The following FBXL7 variants were observed in gnomAD, a reference collection of about 807,000 sequenced individuals.
FBXL7 encodes the protein F-box/LRR-repeat protein 7.
FBXL7 carries 12 observed loss-of-function variants against 38.3 expected under a neutral mutation model. The observed-to-expected ratio is 0.31, with a 90% CI of 0.20 to 0.51. The LOEUF is 0.51. Ranked by LOEUF, FBXL7 falls within the 20% of genes least tolerant of loss-of-function variation. FBXL7 has a pLI of 0.98. For synonymous variants in FBXL7, 297 were observed against 300.9 expected, an observed-to-expected ratio of 0.99 and a Z score of 0.13; for missense variants, 567 against 676.4, an observed-to-expected ratio of 0.84 and a Z score of 1.79.
chr5:15,678,757 C>A (rs1010472544), intron 2 of FBXL7, among the ~76,000 whole-genome samples: 1 of 152,148 alleles, frequency 6.6e-6, no homozygotes, highest in Non-Finnish European at 1.5e-5. Flanking sequence ...CTCTCATTCT[C>A]TCTTGTCTGC....
At chr5:15,829,539 CT>C (rs1738399826) in intron 2 of FBXL7, among the ~76,000 whole-genome samples, 4 of 152,238 alleles carry the variant, frequency 2.6e-5, no homozygotes, top group Middle Eastern at 3.4e-3. Flanking sequence ...ATGAAACAGA[CT>C]TTTTTTCCAT....
intron 1 of FBXL7, among the ~76,000 whole-genome samples, chr5:15,505,810 A>T (rs1215270911): frequency 6.6e-6 from 1 of 152,142 alleles, no homozygotes; most frequent in Non-Finnish European, 1.5e-5. Context: ...AATCACTGTG[A>T]TGAACCGAGG....
intron 1 of FBXL7, among the ~76,000 whole-genome samples, chr5:15,534,305 A>C (rs1240843623): frequency 1.3e-5 from 2 of 152,166 alleles, no homozygotes; most frequent in Non-Finnish European, 2.9e-5. Context: ...TCCCTGCCCT[A>C]AAAATCCTCT....
chr5:15,864,759 G>A lies in FBXL7; in HGVS notation c.128-63131G>A, dbSNP rs531156554. Among the ~76,000 whole-genome samples, 128 of 152,166 alleles carry A rather than the reference G, an allele frequency of 8.4e-4. 1 individual carries two copies. The highest frequency in any genetic ancestry group is 1.5e-3 in the Non-Finnish European group (105 of 68,032). On this transcript the variant is annotated intron_variant, in intron 2 of 3. Transcript: ENST00000504595. ...GCCAAGACACATGGTTTACGTTGCAGTAGAATAAGTCAGCAGGTTCAGTAG... is the reference window on the plus strand; with the variant it reads ...GCCAAGACACATGGTTTACGTTGCAATAGAATAAGTCAGCAGGTTCAGTAG...
chr5:15,706,731 G>A (rs1272652524), intron 2 of FBXL7, among the ~76,000 whole-genome samples: 2 of 152,144 alleles, frequency 1.3e-5, no homozygotes, highest in East Asian at 3.9e-4. Context: ...GTTAAAAGTG[G>A]GAACAGAGGA....
chr5:15,517,213 A>G (rs1292349582), intron 1 of FBXL7, among the ~76,000 whole-genome samples: 1 of 151,892 alleles, frequency 6.6e-6, no homozygotes, highest in Non-Finnish European at 1.5e-5. Context: ...TTTTTAGTAG[A>G]GACGGGGTTT....
Position 15,928,096 on chromosome 5 carries a change from G to C in FBXL7, c.334G>C (p.Ala112Pro). The C allele has an allele frequency of 6.2e-7, 1 of 1,610,880 alleles. No individual in the cohort carries two copies. Among genetic ancestry groups the C allele is most frequent in the Non-Finnish European group, 8.5e-7 (1 of 1,179,486 alleles). The change falls in exon 3 of 4, where the codon GCC becomes CCC. Residue 112 changes from alanine to proline, a missense_variant. By Grantham distance (27) the Ala-to-Pro change is conservative. Transcript: ENST00000504595. The surrounding 1 kb of genome is among the most constrained non-coding windows in gnomAD (Gnocchi z 4.0). ...CGCCTCCAGACCCCAGAAGGAGCAG[G>C]CCAGCATAGACCGGCTCCCGGACCA... ...RLASRPQKEQ[A>P]SIDRLPDHSM...
In FBXL7 at chr5:15,938,905, C is replaced by T; in HGVS notation, c.*1719C>T. 7.5e-6 allele frequency: 3 copies of T among 398,730 alleles called. No homozygotes were observed. Among genetic ancestry groups the T allele is most frequent in the Non-Finnish European group, 1.3e-5 (3 of 225,984 alleles). The allele number at this position is 398,730 out of a possible 1,614,324, so 24.7% of individuals were successfully genotyped here. On this transcript the variant is annotated 3_prime_UTR_variant, in exon 4 of 4. Transcript: ENST00000504595. ...CCCAGATTATTCTCTAGCCAAGCCC[C>T]ACCTTTGTTACGTTGAAATCCCTCA...
intron 2 of FBXL7, among the ~76,000 whole-genome samples, chr5:15,895,959 AAAC>A (rs1741093230): frequency 6.6e-6 from 1 of 150,754 alleles, no homozygotes; most frequent in Non-Finnish European, 1.5e-5. Context: ...TCATACTTTT[AAAC>A]CCAAGGCCAG....
At chr5:15,545,088 G>A (rs1737862089) in intron 1 of FBXL7, among the ~76,000 whole-genome samples, 1 of 152,094 alleles carries the variant, frequency 6.6e-6, no homozygotes. Flanking sequence ...TGATCCATGG[G>A]AATCTCCTTA....
At chr5:15,785,543 C>T (rs894311134) in intron 2 of FBXL7, among the ~76,000 whole-genome samples, 1 of 152,202 alleles carries the variant, frequency 6.6e-6, no homozygotes, top group Non-Finnish European at 1.5e-5. Context: ...CCTTTCTGTG[C>T]TTTCAAGCAT....
chr5:15,539,626 G>T (rs1390078212), intron 1 of FBXL7, among the ~76,000 whole-genome samples: 1 of 152,114 alleles, frequency 6.6e-6, no homozygotes, highest in Admixed American at 6.5e-5. Context: ...TTTTAAGAGG[G>T]TATGGGCTGA....
chr5:15,927,449 T>C (rs1292110636), intron 2 of FBXL7, among the ~76,000 whole-genome samples: 1 of 152,132 alleles, frequency 6.6e-6, no homozygotes, highest in South Asian at 2.1e-4. Context: ...AATGAGAATG[T>C]TGCCCCCATG....
chr5:15,933,019 C>T (rs530802804), intron 3 of FBXL7, among the ~76,000 whole-genome samples: 110 of 152,056 alleles, frequency 7.2e-4, no homozygotes, highest in African/African-American at 2.2e-3. Context: ...ACTGAGCCTG[C>T]GATGCTTCAT....
chr5:15,920,327 C>G (rs778070148), intron 2 of FBXL7, among the ~76,000 whole-genome samples: 9 of 152,126 alleles, frequency 5.9e-5, no homozygotes, highest in Non-Finnish European at 8.8e-5. Flanking sequence ...AAACTGGGCA[C>G]TTGGGCAGCA....
chr5:15,872,634 C>T (rs1740016091), intron 2 of FBXL7, among the ~76,000 whole-genome samples: 1 of 152,080 alleles, frequency 6.6e-6, no homozygotes, highest in South Asian at 2.1e-4. Flanking sequence ...GGTTGCAATC[C>T]TAGTCTCTGA....
chr5:15,919,174 CAG>C (rs1343267793), intron 2 of FBXL7, among the ~76,000 whole-genome samples: 2 of 152,056 alleles, frequency 1.3e-5, no homozygotes, highest in Admixed American at 6.6e-5. Flanking sequence ...TTTTGGTAAT[CAG>C]AGGGGGAAGA....
chr5:15,584,155 G>T (rs1036673485), intron 1 of FBXL7, among the ~76,000 whole-genome samples: 1 of 152,120 alleles, frequency 6.6e-6, no homozygotes, highest in Admixed American at 6.5e-5. Context: ...CTGGGCCCTG[G>T]GCCTGGTCCA....
intron 2 of FBXL7, among the ~76,000 whole-genome samples, chr5:15,720,854 T>C (rs1299852066): frequency 6.6e-6 from 1 of 151,900 alleles, no homozygotes; most frequent in African/African-American, 2.4e-5. Context: ...ATTATATAAC[T>C]GGGTGTTTTG....
Sources: gnomAD v4.1 joint callset for allele counts (sites outside exome capture counted in the v4.1 genomes callset) on GRCh38, gnomAD v4.1.1 for gene constraint, Gnocchi (gnomAD v3.1) non-coding constraint, MANE v1.5 for transcripts, NCBI Gene and HGNC (gene_info 2026-07-23, HGNC 2026-07-21) for gene names.